BTBD9: variants seen among roughly 807,000 people sequenced by gnomAD.
The protein encoded by BTBD9 is BTB/POZ domain-containing protein 9.
BTBD9 carries 49 observed loss-of-function variants against 64.3 expected under a neutral mutation model. That is an observed-to-expected ratio of 0.76 (90% CI 0.61 to 0.97). The LOEUF is 0.97. BTBD9 is among the 50% of genes least tolerant of loss of function. The probability of loss-of-function intolerance (pLI) is 0.00; values close to 1 mark genes in which losing one functional copy is unlikely to be tolerated. For missense variants in BTBD9, 598 were observed against 762.1 expected, an observed-to-expected ratio of 0.78 and a Z score of 2.53; for synonymous variants, 260 against 274.7, an observed-to-expected ratio of 0.95 and a Z score of 0.53.
chr6:38,259,784 G>T (rs1561938906), intron 8 of BTBD9, among the ~76,000 whole-genome samples: 1 of 152,124 alleles, frequency 6.6e-6, no homozygotes, highest in Non-Finnish European at 1.5e-5. Flanking sequence ...TTTAAGTAGA[G>T]AAAACTGTTA....
At position 38,349,297 on chromosome 6, in the gene BTBD9, C is replaced by G. The variant is rs1582271896; in HGVS notation, c.1155-4204G>C. 4.6e-5 allele frequency among the ~76,000 whole-genome samples: 7 copies of G among 152,172 alleles called. No individual in the cohort carries two copies. In the South Asian group the frequency reaches 1.5e-3, roughly 32 times the overall value. On this transcript the variant is annotated intron_variant, in intron 6 of 10. Coordinates refer to ENST00000481247, the MANE Select transcript of BTBD9 (RefSeq NM_001099272.2). Reference sequence around the variant, plus strand: ...AGTATTGAAAATATCGAATGCAGTGCTTGGCAGAGTAGGATACCATTAAAC... The same window carrying G: ...AGTATTGAAAATATCGAATGCAGTGGTTGGCAGAGTAGGATACCATTAAAC...
intron 6 of BTBD9, among the ~76,000 whole-genome samples, chr6:38,492,938 C>T (rs916292742): frequency 6.6e-6 from 1 of 152,130 alleles, no homozygotes; most frequent in Admixed American, 6.6e-5. Flanking sequence ...CTAGACAATT[C>T]TAATCTAGAA....
rs61733066 is a variant in BTBD9, at chr6:38,598,117, T to C, written c.-23A>G. ...CATCTTGTGGAATAGACGATAGTCG[T>C]TGTTCTATCATATAAAGAAGGAATG... On this transcript the variant is annotated 5_prime_UTR_variant, in exon 2 of 11. Transcript: ENST00000481247. 4,050 of 1,606,746 alleles carry C rather than the reference T, an allele frequency of 2.5e-3. 38 individuals carry two copies. The African/African-American group carries it at 0.027, about 11-fold the overall frequency.
At chr6:38,431,554 T>TC (rs1156755606) in intron 6 of BTBD9, among the ~76,000 whole-genome samples, 2 of 152,120 alleles carry the variant, frequency 1.3e-5, no homozygotes. Flanking sequence ...AACCTGCTCC[T>TC]CCCCATTGTC....
chr6:38,231,297 G>A (rs977997355), intron 9 of BTBD9, among the ~76,000 whole-genome samples: 19 of 152,222 alleles, frequency 1.2e-4, no homozygotes, highest in African/African-American at 4.6e-4. Flanking sequence ...AATGCATTAT[G>A]TGGGATAACA....
intron 6 of BTBD9, among the ~76,000 whole-genome samples, chr6:38,411,116 G>A (rs1767407441): frequency 6.6e-6 from 1 of 152,018 alleles, no homozygotes; most frequent in African/African-American, 2.4e-5. Flanking sequence ...CCGTGTTCTT[G>A]GAGAGGAAGA....
At chr6:38,538,752 C>T (rs56250767) in intron 6 of BTBD9, among the ~76,000 whole-genome samples, 28,780 of 151,716 alleles carry the variant, frequency 0.19, 3,469 homozygotes, top group Non-Finnish European at 0.29. Context: ...GGACTACAGG[C>T]ATGTGCCACC....
At chr6:38,336,905 A>G (rs1461250524) in intron 7 of BTBD9, among the ~76,000 whole-genome samples, 1 of 152,182 alleles carries the variant, frequency 6.6e-6, no homozygotes, top group African/African-American at 2.4e-5. Context: ...CCCTGTGTCT[A>G]AGATACACTC....
At chr6:38,413,662 T>C (rs1582389291) in intron 6 of BTBD9, among the ~76,000 whole-genome samples, 1 of 151,110 alleles carries the variant, frequency 6.6e-6, no homozygotes, top group African/African-American at 2.5e-5. Flanking sequence ...CTGTTTTACA[T>C]GTCATTTTCC....
At chr6:38,344,926 A>T in intron 7 of BTBD9, 58 bp downstream of exon 7, 1 of 1,132,222 alleles carries the variant, frequency 8.8e-7, no homozygotes, top group Non-Finnish European at 1.3e-6. Context: ...GAGAGTAACA[A>T]AGTATTTGAA....
chr6:38,278,311 T>A (rs1280590114), intron 8 of BTBD9, among the ~76,000 whole-genome samples: 3 of 152,158 alleles, frequency 2.0e-5, no homozygotes, highest in Admixed American at 1.3e-4. Flanking sequence ...AAACAAAAAA[T>A]AAAACTGAAA....
chr6:38,301,191 T>C (rs1435848031), intron 7 of BTBD9, among the ~76,000 whole-genome samples: 1 of 152,234 alleles, frequency 6.6e-6, no homozygotes, highest in Non-Finnish European at 1.5e-5. Flanking sequence ...GAACCAGCCT[T>C]GCATCCCAGG....
chr6:38,478,295 T>C (rs974638985), intron 6 of BTBD9, among the ~76,000 whole-genome samples: 5 of 152,208 alleles, frequency 3.3e-5, no homozygotes, highest in African/African-American at 1.2e-4. Flanking sequence ...TAAAATATTT[T>C]GGTTTTATTT....
intron 1 of BTBD9, among the ~76,000 whole-genome samples, chr6:38,635,289 C>T (rs1485563361): frequency 6.6e-6 from 1 of 152,064 alleles, no homozygotes; most frequent in Non-Finnish European, 1.5e-5. Flanking sequence ...GTGTGCACCA[C>T]CCCACCCAGC....
intron 10 of BTBD9, among the ~76,000 whole-genome samples, chr6:38,183,192 G>C (rs940318811): frequency 1.3e-5 from 2 of 152,170 alleles, no homozygotes; most frequent in Non-Finnish European, 2.9e-5. Context: ...GTGTTAGCCA[G>C]GATGGTCTCG....
intron 6 of BTBD9, among the ~76,000 whole-genome samples, chr6:38,454,768 T>C (rs906394324): frequency 2.0e-5 from 3 of 150,686 alleles, no homozygotes; most frequent in African/African-American, 7.3e-5. Flanking sequence ...GCCACTGTAT[T>C]CCAGCCTAGA....
At chr6:38,335,629 G>C (rs1043173096) in intron 7 of BTBD9, among the ~76,000 whole-genome samples, 1 of 150,672 alleles carries the variant, frequency 6.6e-6, no homozygotes, top group Admixed American at 6.6e-5. Flanking sequence ...GCAGCAGCAT[G>C]ATCTCGACTC....
At chr6:38,238,307 A>G (rs1234864266) in intron 9 of BTBD9, among the ~76,000 whole-genome samples, 1 of 152,218 alleles carries the variant, frequency 6.6e-6, no homozygotes, top group African/African-American at 2.4e-5. Flanking sequence ...TGAGACGTCA[A>G]TCAAATACAT....
At chr6:38,520,501 C>G (rs191859516) in intron 6 of BTBD9, among the ~76,000 whole-genome samples, 91 of 152,186 alleles carry the variant, frequency 6.0e-4, no homozygotes, top group Non-Finnish European at 7.5e-4. Context: ...ACAAAATTGT[C>G]AACTTTGGTT....
Sources: allele counts gnomAD v4.1 joint callset (sites outside exome capture counted in the v4.1 genomes callset), GRCh38; gene constraint gnomAD v4.1.1; transcripts MANE v1.5; gene names NCBI Gene and HGNC (gene_info 2026-07-23, HGNC 2026-07-21).